The following RIMKLB variants were observed in gnomAD, a reference collection of about 807,000 sequenced individuals.
The protein encoded by RIMKLB is ribosomal modification protein rimK like family member B.
RIMKLB carries 7 observed loss-of-function variants against 32.0 expected under a neutral mutation model. The ratio of observed to expected loss-of-function variants is 0.22; its 90% CI spans 0.12 to 0.41. The LOEUF is 0.41. RIMKLB is among the 10% of genes least tolerant of loss of function. The probability of loss-of-function intolerance (pLI) is 1.00; values close to 1 mark genes in which losing one functional copy is unlikely to be tolerated. For synonymous variants in RIMKLB, 172 were observed against 185.1 expected (o/e 0.93, Z 0.57); for missense variants, 289 against 498.7 (o/e 0.58, Z 4.00).
upstream of RIMKLB, among the ~76,000 whole-genome samples, chr12:8,678,448 A>G (rs1305712249): frequency 1.3e-5 from 2 of 151,606 alleles, no homozygotes; most frequent in Admixed American, 1.3e-4. Context: ...CTCCTGCCTC[A>G]GCCTCCCGAG....
chr12:8,723,201 T>C (rs1229852377), intron 2 of RIMKLB, among the ~76,000 whole-genome samples: 1 of 152,212 alleles, frequency 6.6e-6, no homozygotes, highest in Non-Finnish European at 1.5e-5. Flanking sequence ...TGTGACTCTT[T>C]TTTGCCCTTG....
chr12:8,715,228 C>CCTTTTTTTTTTTTTTTTTTTT lies in RIMKLB; in HGVS notation c.175+1187_175+1188insCTTTTTTTTTTTTTTTTTTTT, dbSNP rs1445737752. Reference sequence around the variant, plus strand: ...GCTTAAATGGATAAGTGCTCTTGTTCTTTTTTTTTTTTTTTTTTGGAGACA... The same window carrying CCTTTTTTTTTTTTTTTTTTTT: ...GCTTAAATGGATAAGTGCTCTTGTTCCTTTTTTTTTTTTTTTTTTTTTTTTTTTTTTTTTTTTTTGGAGACA... On this transcript the variant is annotated intron_variant, in intron 2 of 5. Transcript: ENST00000535829. Among the ~76,000 whole-genome samples, 6 of 123,740 alleles carry CCTTTTTTTTTTTTTTTTTTTT rather than the reference C, an allele frequency of 4.8e-5. 1 individual carries two copies. Among genetic ancestry groups the CCTTTTTTTTTTTTTTTTTTTT allele is most frequent in the African/African-American group, 2.0e-4 (6 of 30,322 alleles). The allele number at this position is 123,740 out of a possible 152,430, so 81.2% of individuals were successfully genotyped here. A position where few individuals can be genotyped will look rare whatever the true frequency, so the allele number is the denominator to read the frequency against.
At chr12:8,687,421 C>A (rs536145453) in intron 1 of RIMKLB, among the ~76,000 whole-genome samples, 6 of 152,170 alleles carry the variant, frequency 3.9e-5, no homozygotes, top group African/African-American at 1.4e-4. Context: ...GTATCTCCAT[C>A]CTCCTTCTGT....
chr12:8,740,772 C>T (rs1216169065), intron 2 of RIMKLB, among the ~76,000 whole-genome samples: 4 of 152,162 alleles, frequency 2.6e-5, no homozygotes, highest in Non-Finnish European at 2.9e-5. Flanking sequence ...CTGAGCTACT[C>T]TTAAAAATAG....
At chr12:8,708,606 T>TTG (rs1944102935) in intron 1 of RIMKLB, among the ~76,000 whole-genome samples, 3 of 152,180 alleles carry the variant, frequency 2.0e-5, no homozygotes, top group Admixed American at 2.0e-4. Flanking sequence ...TTGAAAAACT[T>TTG]TTAAAGTAGA....
chr12:8,741,833 C>T (rs142617619), intron 2 of RIMKLB, among the ~76,000 whole-genome samples: 1 of 151,826 alleles, frequency 6.6e-6, no homozygotes, highest in African/African-American at 2.4e-5. Flanking sequence ...ATACCCCAGA[C>T]CTCAGCATCA....
In RIMKLB at chr12:8,713,992, G is replaced by C. The variant is rs761178360; in HGVS notation, c.126G>C (p.Arg42Ser). The C allele has an allele frequency of 6.2e-7, 1 of 1,613,928 alleles. No homozygotes were observed. Among genetic ancestry groups the C allele is most frequent in the Non-Finnish European group, 8.5e-7 (1 of 1,180,012 alleles). Residue 42 changes from arginine to serine, a missense_variant, in exon 2 of 6, where the codon AGG (arginine) becomes AGC (serine). This residue lies in a region of RIMKLB where 156 missense variants were observed against 329.5 expected (regional missense o/e 0.47). Transcript: ENST00000535829. ...AKCCEEELDF[R>S]AVVMDEVVLT... ...GTTGTGAGGAGGAACTGGACTTTAG[G>C]GCTGTGGTGATGGATGAGGTGGTGC...
At chr12:8,682,888 A>G (rs1364608741) in intron 1 of RIMKLB, among the ~76,000 whole-genome samples, 1 of 150,218 alleles carries the variant, frequency 6.7e-6, no homozygotes, top group African/African-American at 2.4e-5. Context: ...CGCCGGCCTC[A>G]GCCTCCCAAA....
chr12:8,716,741 T>C (rs1944890702), intron 2 of RIMKLB, among the ~76,000 whole-genome samples: 1 of 143,996 alleles, frequency 6.9e-6, no homozygotes, highest in Non-Finnish European at 1.5e-5. Context: ...TTTTTTTTTT[T>C]TTTTTTTTAC....
intron 2 of RIMKLB, among the ~76,000 whole-genome samples, chr12:8,716,636 T>TGA (rs1362112834): frequency 6.7e-6 from 1 of 150,012 alleles, no homozygotes; most frequent in African/African-American, 2.4e-5. Context: ...AGCTCTCCTG[T>TGA]GAGAGAGAGG....
intron 2 of RIMKLB, among the ~76,000 whole-genome samples, chr12:8,714,921 CTCA>C (rs1274252369): frequency 6.6e-6 from 1 of 152,074 alleles, no homozygotes; most frequent in Non-Finnish European, 1.5e-5. Flanking sequence ...ATTTAATTTC[CTCA>C]TCAATGAAAT....
upstream of RIMKLB, among the ~76,000 whole-genome samples, chr12:8,680,260 G>T (rs1359549432): frequency 6.6e-6 from 1 of 152,088 alleles, no homozygotes; most frequent in African/African-American, 2.4e-5. Context: ...GGCTCACGCC[G>T]TTCTCCTGCC....
chr12:8,675,379 C>A, the RIMKLB span, among the ~76,000 whole-genome samples: 1 of 151,988 alleles, frequency 6.6e-6, no homozygotes, highest in Non-Finnish European at 1.5e-5. Flanking sequence ...CTTTTTTCTT[C>A]TTCTTCTGTT....
At chr12:8,710,765 C>T (rs1800422593) in intron 1 of RIMKLB, among the ~76,000 whole-genome samples, 1 of 152,074 alleles carries the variant, frequency 6.6e-6, no homozygotes, top group Admixed American at 6.5e-5. Context: ...GTGACTATAA[C>T]ATTCCATCCT....
Position 8,774,312 on chromosome 12 carries a change from T to C in RIMKLB, c.*528T>C, listed in dbSNP as rs1209394265. 1.0e-6 allele frequency: 1 copy of C among 985,342 alleles called. No individual in the cohort carries two copies. The highest frequency in any genetic ancestry group is 1.7e-5 in the African/African-American group (1 of 57,198). 61.0% of individuals were successfully genotyped at this position (985,342 alleles called of 1,614,324 possible). On this transcript the variant is annotated 3_prime_UTR_variant, in exon 6 of 6. Coordinates refer to ENST00000535829, the MANE Select transcript of RIMKLB (RefSeq NM_001297776.2). ...AGTTTATGAAATCTTGAGGGGCTCT[T>C]TTACTGGGATTTCTTATTTTTTTGT...
chr12:8,747,392 T>C (rs1040388409), intron 2 of RIMKLB, among the ~76,000 whole-genome samples: 1 of 152,104 alleles, frequency 6.6e-6, no homozygotes, highest in Non-Finnish European at 1.5e-5. Context: ...CTTTCTCTCT[T>C]TTTTTTAAAC....
Position 8,714,047 on chromosome 12 carries a change from T to G in RIMKLB, c.175+6T>G. 6.2e-7 allele frequency: 1 copy of G among 1,613,024 alleles called. No individual in the cohort carries two copies. Among genetic ancestry groups the G allele is most frequent in the Non-Finnish European group, 8.5e-7 (1 of 1,179,150 alleles). On this transcript the variant is annotated splice_donor_region_variant and intron_variant, in intron 2 of 5. Coordinates refer to ENST00000535829, the MANE Select transcript of RIMKLB (RefSeq NM_001297776.2). Reference sequence around the variant, plus strand: ...AATCGAGCAAGGAAACCTGGGTAAGTCTGTATACTAAGTGATCTTTTGGAT... The same window carrying G: ...AATCGAGCAAGGAAACCTGGGTAAGGCTGTATACTAAGTGATCTTTTGGAT...
At chr12:8,761,744 T>A (rs1439809704) in intron 5 of RIMKLB, among the ~76,000 whole-genome samples, 1 of 151,950 alleles carries the variant, frequency 6.6e-6, no homozygotes, top group Non-Finnish European at 1.5e-5. Flanking sequence ...TGTCTGTCAG[T>A]CCCCCCTCTC....
At chr12:8,732,342 T>C (rs1269232908) in intron 2 of RIMKLB, among the ~76,000 whole-genome samples, 4 of 152,160 alleles carry the variant, frequency 2.6e-5, no homozygotes, top group African/African-American at 9.6e-5. Context: ...GGAATCAAAT[T>C]ACTGGACTCT....
Sources: allele counts gnomAD v4.1 joint callset (sites outside exome capture counted in the v4.1 genomes callset), GRCh38; gene constraint gnomAD v4.1.1; regional missense constraint gnomAD v4.1.1; transcripts MANE v1.5; gene names NCBI Gene and HGNC (gene_info 2026-07-23, HGNC 2026-07-21).